RIMS2: variants seen among roughly 807,000 people sequenced by gnomAD.
RIMS2 encodes regulating synaptic membrane exocytosis protein 2.
In RIMS2, 59 loss-of-function variants were observed where a neutral mutation model predicts 174.4. That is an observed-to-expected ratio of 0.34 (90% CI 0.27 to 0.42). The LOEUF (loss-of-function observed/expected upper bound fraction) is 0.42, where lower values mean the gene tolerates loss of function less well. RIMS2 is among the 10% of genes least tolerant of loss of function. The pLI is 1.00. For synonymous variants in RIMS2, 606 were observed against 572.5 expected, an observed-to-expected ratio of 1.06 and a Z score of -0.84; for missense variants, 1,620 against 1,666.3, an observed-to-expected ratio of 0.97 and a Z score of 0.48.
At chr8:103,862,666 C>T (rs545560114) in intron 3 of RIMS2, among the ~76,000 whole-genome samples, 8 of 152,074 alleles carry the variant, frequency 5.3e-5, no homozygotes, top group South Asian at 2.1e-4. Context: ...TTGTAGTTCT[C>T]CTCGTAGAGA....
At chr8:104,094,484 G>T in intron 19 of RIMS2, 1 of 631,806 alleles carries the variant, frequency 1.6e-6, no homozygotes, top group Non-Finnish European at 2.8e-6. Flanking sequence ...AAAGACCAAA[G>T]GGAATAGAAG....
intron 1 of RIMS2, among the ~76,000 whole-genome samples, chr8:103,652,927 A>G (rs1448915747): frequency 2.1e-5 from 3 of 146,232 alleles, no homozygotes; most frequent in South Asian, 2.1e-4. Context: ...CCACCCTGCT[A>G]TATTTTAGTA....
chr8:104,015,530 C>T lies in RIMS2; in HGVS notation c.3334+915C>T, dbSNP rs896138532. The T allele has an allele frequency of 9.4e-5, 57 of 604,216 alleles. No individual in the cohort carries two copies. The Middle Eastern group carries it at 2.3e-3, about 24-fold the overall frequency. 37.4% of individuals were successfully genotyped at this position (604,216 alleles called of 1,614,324 possible). On this transcript the variant is annotated intron_variant, in intron 19 of 23. Transcript: ENST00000504942. ...GGCTAGTAAGCAAAAATAAACCCAA[C>T]TGCAATTGATGTCCTTTCGTTGTGT...
intron 19 of RIMS2, among the ~76,000 whole-genome samples, chr8:104,143,690 T>C (rs2098604682): frequency 6.6e-6 from 1 of 152,206 alleles, no homozygotes; most frequent in Non-Finnish European, 1.5e-5. Flanking sequence ...TTGCCAAAGA[T>C]GTTATGAATA....
intron 19 of RIMS2, among the ~76,000 whole-genome samples, chr8:104,056,905 T>G (rs2096878561): frequency 6.6e-6 from 1 of 151,982 alleles, no homozygotes; most frequent in African/African-American, 2.4e-5. Context: ...AAAAAAGTTT[T>G]TATTTAATCC....
intron 10 of RIMS2, chr8:103,927,759 T>C: frequency 2.2e-6 from 2 of 898,868 alleles, no homozygotes; most frequent in Non-Finnish European, 3.6e-6. Flanking sequence ...TATGTGTTTG[T>C]TTTTACTTTT....
chr8:103,890,041 C>T (rs565775155), intron 4 of RIMS2, among the ~76,000 whole-genome samples: 1 of 152,022 alleles, frequency 6.6e-6, no homozygotes, highest in African/African-American at 2.4e-5. Flanking sequence ...ATTGTTCAGT[C>T]ATTGTAAGGA....
At chr8:103,502,130 C>A (rs775935021) in intron 1 of RIMS2, among the ~76,000 whole-genome samples, 1 of 152,006 alleles carries the variant, frequency 6.6e-6, no homozygotes, top group Non-Finnish European at 1.5e-5. Flanking sequence ...TCAGATGATT[C>A]TTTTGCGTTT....
chr8:104,247,970 G>A (rs2099345288), intron 20 of RIMS2, among the ~76,000 whole-genome samples: 1 of 152,200 alleles, frequency 6.6e-6, no homozygotes, highest in African/African-American at 2.4e-5. Flanking sequence ...GTCAGAACTA[G>A]CAGAGGAGGT....
intron 3 of RIMS2, among the ~76,000 whole-genome samples, chr8:103,793,214 A>G (rs904819841): frequency 1.3e-5 from 2 of 152,312 alleles, no homozygotes; most frequent in African/African-American, 2.4e-5. Flanking sequence ...CCAGCAGCAC[A>G]TCTAAAAGCT....
intron 4 of RIMS2, among the ~76,000 whole-genome samples, chr8:103,893,017 A>G (rs1360137870): frequency 6.6e-6 from 1 of 152,078 alleles, no homozygotes; most frequent in Non-Finnish European, 1.5e-5. Flanking sequence ...TCCTAATGGT[A>G]TTACAAATGG....
intron 1 of RIMS2, among the ~76,000 whole-genome samples, chr8:103,586,373 A>G (rs1588330157): frequency 2.6e-5 from 4 of 152,324 alleles, no homozygotes; most frequent in Admixed American, 2.6e-4. Flanking sequence ...AAAACATTCA[A>G]AACATTGAAA....
chr8:103,768,082 G>A (rs2098199565), intron 3 of RIMS2, among the ~76,000 whole-genome samples: 1 of 152,158 alleles, frequency 6.6e-6, no homozygotes, highest in South Asian at 2.1e-4. Flanking sequence ...ATGTGGTTGG[G>A]TTGCTGGTAG....
intron 5 of RIMS2, 27 bp from the exon 8 acceptor site, chr8:103,910,294 T>C (rs139183870): frequency 1.8e-4 from 267 of 1,463,984 alleles, no homozygotes; most frequent in Non-Finnish European, 2.4e-4. Flanking sequence ...TTTGTATCTT[T>C]TTTTTTTTTT....
intron 3 of RIMS2, among the ~76,000 whole-genome samples, chr8:103,824,436 C>T (rs1019386840): frequency 1.3e-5 from 2 of 152,086 alleles, no homozygotes; most frequent in African/African-American, 4.8e-5. Context: ...ATTCCTAGGA[C>T]TCATCCACAA....
At chr8:104,112,017 A>T (rs1384985517) in intron 19 of RIMS2, among the ~76,000 whole-genome samples, 1 of 152,168 alleles carries the variant, frequency 6.6e-6, no homozygotes, top group Non-Finnish European at 1.5e-5. Context: ...TTTAATGATT[A>T]TGAGTCCATT....
At chr8:103,658,762 C>G (rs1564184312) in intron 1 of RIMS2, among the ~76,000 whole-genome samples, 1 of 152,186 alleles carries the variant, frequency 6.6e-6, no homozygotes. Context: ...TCTCCCTTGT[C>G]TCCTCCAGAG....
intron 4 of RIMS2, among the ~76,000 whole-genome samples, chr8:103,902,433 T>C (rs1397334396): frequency 1.3e-5 from 2 of 152,160 alleles, no homozygotes; most frequent in Non-Finnish European, 2.9e-5. Context: ...TACAAAGCCA[T>C]GAATACCATG....
At chr8:104,213,877 G>GAA (rs748783814) in intron 19 of RIMS2, among the ~76,000 whole-genome samples, 21 of 134,236 alleles carry the variant, frequency 1.6e-4, no homozygotes, top group East Asian at 8.4e-4. Flanking sequence ...CTCTGCCTCG[G>GAA]AAAAAAAAAA....
Sources: allele counts gnomAD v4.1 joint callset (sites outside exome capture counted in the v4.1 genomes callset), GRCh38; gene constraint gnomAD v4.1.1; transcripts MANE v1.5; gene names NCBI Gene and HGNC (gene_info 2026-07-23, HGNC 2026-07-21).